The following ANKS1B variants were observed in gnomAD, a reference collection of about 807,000 sequenced individuals.
ANKS1B encodes the protein ankyrin repeat and sterile alpha motif domain containing 1B.
In ANKS1B, 36 loss-of-function variants were observed where a neutral mutation model predicts 148.3. The ratio of observed to expected loss-of-function variants is 0.24; its 90% confidence interval spans 0.19 to 0.32. ANKS1B has a LOEUF of 0.32. Among genes scored for constraint, ANKS1B ranks in the 10% least tolerant of loss-of-function variants. ANKS1B has a pLI of 1.00. For synonymous variants in ANKS1B, 542 were observed against 560.8 expected (o/e 0.97, Z 0.47); for missense variants, 1,157 against 1,542.6 (o/e 0.75, Z 4.19).
chr12:99,612,564 C>G (rs748126284), intron 9 of ANKS1B, among the ~76,000 whole-genome samples: 3 of 152,082 alleles, frequency 2.0e-5, no homozygotes, highest in Non-Finnish European at 2.9e-5. Flanking sequence ...TCCGCAATGT[C>G]TGAGCCTTAC....
At chr12:98,834,144 T>G (rs2153701816) in intron 17 of ANKS1B, among the ~76,000 whole-genome samples, 1 of 152,282 alleles carries the variant, frequency 6.6e-6, no homozygotes, top group East Asian at 1.9e-4. Flanking sequence ...ATCCCTATGA[T>G]TTTATAAAAC....
At chr12:99,544,334 C>A (rs1026365354) in intron 9 of ANKS1B, among the ~76,000 whole-genome samples, 1 of 152,094 alleles carries the variant, frequency 6.6e-6, no homozygotes, top group Non-Finnish European at 1.5e-5. Context: ...AAATTCCAAT[C>A]TGCCTTAGGT....
rs140688670 is a variant in ANKS1B, at chr12:99,617,990, C to T, written c.1272+37077G>A. ...AGTCAGAACTCTTTACCTAGATGTA[C>T]AAAGTCCAATACAATTTAGCTCCTA... On this transcript the variant is annotated intron_variant, in intron 9 of 26. Transcript: ENST00000683438. 2.0e-3 allele frequency among the ~76,000 whole-genome samples: 297 copies of T among 152,236 alleles called. 1 individual carries two copies. The highest frequency in any genetic ancestry group is 2.9e-3 in the Non-Finnish European group (194 of 68,024).
chr12:99,825,530 A>G, intron 1 of ANKS1B, 141 bp from the exon 2 acceptor site: 1 of 607,608 alleles, frequency 1.6e-6, no homozygotes. Flanking sequence ...GCCATCTTCT[A>G]TGAATTCCCC....
At chr12:99,539,295 A>T (rs1163833632) in intron 9 of ANKS1B, among the ~76,000 whole-genome samples, 1 of 152,188 alleles carries the variant, frequency 6.6e-6, no homozygotes, top group Non-Finnish European at 1.5e-5. Context: ...AATAATTACA[A>T]ATCTCTGTTG....
chr12:99,934,709 T>C lies in ANKS1B; in HGVS notation c.134+49395A>G, dbSNP rs565540236. ...GTTTATCTTTCGAAAACCAACTTGG[T>C]GAAAAAGATTAAATTCAGTAGGTCT... On this transcript the variant is annotated intron_variant, in intron 1 of 26. Transcript: ENST00000683438. 6.6e-5 allele frequency among the ~76,000 whole-genome samples: 10 copies of C among 152,206 alleles called. No homozygotes were observed. In the South Asian group the frequency reaches 1.7e-3, roughly 25 times the overall value.
chr12:98,953,420 T>C (rs2099856971), intron 17 of ANKS1B, among the ~76,000 whole-genome samples: 1 of 152,118 alleles, frequency 6.6e-6, no homozygotes, highest in South Asian at 2.1e-4. Context: ...CCCAAAATGC[T>C]GAAATTACAG....
At chr12:99,341,130 C>T (rs925788127) in intron 12 of ANKS1B, 5 of 152,094 alleles carry the variant, frequency 3.3e-5, no homozygotes, top group Admixed American at 1.3e-4. Context: ...CTTGATTTGT[C>T]ACAGTCTTTG....
chr12:99,568,452 C>T (rs182573240), intron 9 of ANKS1B, among the ~76,000 whole-genome samples: 2 of 152,278 alleles, frequency 1.3e-5, no homozygotes, highest in Admixed American at 1.3e-4. Flanking sequence ...TAACATTTTA[C>T]AAACTTTCAG....
intron 15 of ANKS1B, among the ~76,000 whole-genome samples, chr12:99,134,754 A>C (rs12099455): frequency 0.059 from 8,891 of 151,144 alleles, 877 homozygotes; most frequent in African/African-American, 0.21. Flanking sequence ...TAACTCTCTA[A>C]AGACATTTTA....
intron 1 of ANKS1B, among the ~76,000 whole-genome samples, chr12:99,856,509 G>T (rs2089112998): frequency 6.6e-6 from 1 of 151,912 alleles, no homozygotes. Flanking sequence ...GAGAAAAAGA[G>T]GGAATCCTCC....
intron 9 of ANKS1B, among the ~76,000 whole-genome samples, chr12:99,625,989 C>G (rs887060276): frequency 7.9e-5 from 12 of 151,992 alleles, no homozygotes; most frequent in African/African-American, 2.9e-4. Context: ...TCTTAGATAG[C>G]CCCCCAAGGA....
chr12:99,710,905 C>T (rs2056542843), intron 8 of ANKS1B, among the ~76,000 whole-genome samples: 1 of 152,054 alleles, frequency 6.6e-6, no homozygotes, highest in African/African-American at 2.4e-5. Flanking sequence ...TCAACTCTTT[C>T]CATTATAATT....
intron 8 of ANKS1B, among the ~76,000 whole-genome samples, chr12:99,699,867 T>C (rs753339110): frequency 2.0e-5 from 3 of 152,196 alleles, no homozygotes; most frequent in Non-Finnish European, 4.4e-5. Context: ...AAATAAGCTG[T>C]TTGCATTTTC....
chr12:99,526,564 C>T (rs2096928702), intron 9 of ANKS1B, among the ~76,000 whole-genome samples: 2 of 152,140 alleles, frequency 1.3e-5, no homozygotes, highest in South Asian at 2.1e-4. Flanking sequence ...CAATATCAAT[C>T]GTCTGAGCTG....
intron 17 of ANKS1B, among the ~76,000 whole-genome samples, chr12:98,980,837 C>T (rs2099909039): frequency 1.3e-5 from 2 of 152,140 alleles, no homozygotes. Context: ...TAAATCCAAG[C>T]TGTTTTGGGT....
At chr12:99,237,401 A>G (rs888717760) in intron 14 of ANKS1B, among the ~76,000 whole-genome samples, 5 of 152,166 alleles carry the variant, frequency 3.3e-5, no homozygotes, top group Admixed American at 3.3e-4. Flanking sequence ...AGTAATGCAA[A>G]TATCTCTGTA....
intron 1 of ANKS1B, among the ~76,000 whole-genome samples, chr12:99,894,326 AGGG>A (rs1314871564): frequency 9.4e-5 from 12 of 127,420 alleles, no homozygotes; most frequent in East Asian, 5.4e-4. Flanking sequence ...GGAGGGAGGG[AGGG>A]AAAGAAAAGA....
chr12:99,983,465 C>T (rs149649258), intron 1 of ANKS1B, among the ~76,000 whole-genome samples: 192 of 152,288 alleles, frequency 1.3e-3, no homozygotes, highest in African/African-American at 4.4e-3. Context: ...ACCAACCTGG[C>T]ATCCTTCATC....
Sources: allele counts gnomAD v4.1 joint callset (sites outside exome capture counted in the v4.1 genomes callset), GRCh38; gene constraint gnomAD v4.1.1; transcripts MANE v1.5; gene names NCBI Gene and HGNC (gene_info 2026-07-23, HGNC 2026-07-21).